FLNC: variants seen among roughly 807,000 people sequenced by gnomAD.
The protein encoded by FLNC is filamin C.
In FLNC, 91 loss-of-function variants were observed where a neutral mutation model predicts 254.3. That is an observed-to-expected ratio of 0.36 (90% CI 0.30 to 0.43). The LOEUF (loss-of-function observed/expected upper bound fraction) is 0.43. FLNC is among the 20% of genes least tolerant of loss of function. The pLI is 1.00. For synonymous variants in FLNC, 1,430 were observed against 1,577.2 expected, an observed-to-expected ratio of 0.91 and a Z score of 2.21; for missense variants, 2,853 against 3,802.6, an observed-to-expected ratio of 0.75 and a Z score of 6.57.
At chr7:128,845,392 G>A in intron 21 of FLNC, 137 bp downstream of exon 21, 2 of 757,214 alleles carry the variant, frequency 2.6e-6, no homozygotes, top group Non-Finnish European at 4.6e-6. Flanking sequence ...CAGCCCCAGA[G>A]TCCTTACTGG....
Position 128,846,281 on chromosome 7 carries a change from C to A in FLNC, c.3965-20C>A. ...GGGGGCGCACACTCCCTGATTGATG[C>A]CCCTGTGGCTGGCTTCCAGGCGTGC... On this transcript the variant is annotated intron_variant, in intron 22 of 47. Coordinates refer to ENST00000325888, the MANE Select transcript of FLNC (RefSeq NM_001458.5). 6 of 1,613,572 alleles carry A rather than the reference C, an allele frequency of 3.7e-6. No individual in the cohort carries two copies. Among genetic ancestry groups the A allele is most frequent in the Non-Finnish European group, 5.1e-6 (6 of 1,179,834 alleles).
rs1336346022 is a variant in FLNC, at chr7:128,854,769, C to T, written c.6998-6C>T. The T allele has an allele frequency of 7.4e-6, 12 of 1,613,954 alleles. No homozygotes were observed. In the East Asian group the frequency reaches 1.3e-4, roughly 18 times the overall value. ...TGCTGAAGTCCACTACCTTGCCTGT[C>T]CCCAGCCGAGTTCAGCATCTGGACC... On this transcript the variant is annotated splice_polypyrimidine_tract_variant and splice_region_variant and intron_variant, in intron 41 of 47. Transcript: ENST00000325888.
In FLNC at chr7:128,850,455, C is replaced by T. The variant is rs766344715; in HGVS notation, c.5370C>T (p.Pro1790=). The T allele has an allele frequency of 5.6e-6, 9 of 1,613,850 alleles. No individual in the cohort carries two copies. Among genetic ancestry groups the T allele is most frequent in the South Asian group, 2.2e-5 (2 of 91,064 alleles). The change falls in exon 32 of 48, where the codon CCC becomes CCT. Residue 1790 remains proline, a synonymous_variant. Coordinates refer to ENST00000325888, the MANE Select transcript of FLNC (RefSeq NM_001458.5). ...SMLRPFNLVI[P]FAVQKGELTG... is the part of the protein sequence containing the mutation. The stretch of plus-strand genomic sequence containing the variant: ...TGAGGCCCTTCAACCTGGTCATCCC[C>T]TTCGCGGTGCAGAAAGGGGAGCTCA...
At chr7:128,837,865 C>G (rs764296839) in intron 5 of FLNC, 110 bp downstream of exon 5, 320 of 1,359,008 alleles carry the variant, frequency 2.4e-4, no homozygotes, top group Non-Finnish European at 3.2e-4. Context: ...ACACACTGTG[C>G]TGTGCAGTCT....
intron 28 of FLNC, 75 bp from the exon 29 acceptor site, chr7:128,849,106 T>TC: frequency 8.2e-7 from 1 of 1,216,116 alleles, no homozygotes; most frequent in Non-Finnish European, 1.2e-6. Flanking sequence ...CCCTGGCCCC[T>TC]CCCTCCCTCA....
At chr7:128,839,938 G>A in intron 8 of FLNC, 85 bp from the exon 9 acceptor site, 1 of 1,553,124 alleles carries the variant, frequency 6.4e-7, no homozygotes, top group South Asian at 1.1e-5. Context: ...CCTGGGAGGG[G>A]TTAGAAGGAC....
At chr7:128,840,277 C>A in intron 9 of FLNC, 117 bp downstream of exon 9, 2 of 1,267,758 alleles carry the variant, frequency 1.6e-6, no homozygotes, top group Non-Finnish European at 1.1e-6. Context: ...CCACAGTGAC[C>A]AGAGGCACCC....
chr7:128,833,748 C>T lies in FLNC; in HGVS notation c.353-1578C>T, dbSNP rs1031552070. The stretch of plus-strand genomic sequence containing the variant: ...TGAGAGGCTGGGGGCACTGGGGCAT[C>T]CAGACTGTGTGAAAGTGTTGGAGCC... On this transcript the variant is annotated intron_variant, in intron 1 of 47. Transcript: ENST00000325888. Among the ~76,000 whole-genome samples the T allele has an allele frequency of 5.9e-5, 9 of 152,320 alleles. No homozygotes were observed. The East Asian group carries it at 1.7e-3, about 29-fold the overall frequency.
In FLNC at chr7:128,843,289, A is replaced by G. The variant is rs1808416941; in HGVS notation, c.2611A>G (p.Lys871Glu). 1.2e-6 allele frequency: 2 copies of G among 1,612,494 alleles called. No homozygotes were observed. The highest frequency in any genetic ancestry group is 2.7e-5 in the African/African-American group (2 of 74,882). Residue 871 changes from lysine (K) to glutamate (E), a missense_variant, in exon 17 of 48, where the codon AAG becomes GAG. Physicochemically the swap from Lys to Glu is moderately conservative, Grantham distance 56. This residue lies in a region of FLNC where 1,573 missense variants were observed against 1,883.5 expected (regional missense o/e 0.84). Transcript: ENST00000325888. The stretch of plus-strand genomic sequence containing the variant: ...CCCATCCCACGATGCCAGCAAAGTC[A>G]AGGCCGAGGGCCCTGGGCTGAATCG... ...VDPSHDASKV[K>E]AEGPGLNRTG...
At position 128,853,720 on chromosome 7, in the gene FLNC, C is replaced by T; in HGVS notation, c.6367C>T (p.Pro2123Ser). 1 of 1,613,906 alleles carries T rather than the reference C, an allele frequency of 6.2e-7. No homozygotes were observed. The change falls in exon 39 of 48, where the codon CCC becomes TCC. Residue 2123 changes from proline (P) to serine (S), a missense_variant. Coordinates refer to ENST00000325888, the MANE Select transcript of FLNC (RefSeq NM_001458.5). Reference protein sequence around the residue: ...KFADKHVPGSPFTVKVTGEGR... With the variant: ...KFADKHVPGSSFTVKVTGEGR... ...ACCCTTTGTCCCCACTTCAGGAAGC[C>T]CCTTCACTGTGAAGGTGACCGGCGA...
At chr7:128,837,862 G>GTGCT (rs1808162424) in intron 5 of FLNC, 107 bp downstream of exon 5, 2 of 1,363,162 alleles carry the variant, frequency 1.5e-6, no homozygotes, top group Non-Finnish European at 2.1e-6. Context: ...GCCACACACT[G>GTGCT]TGCTGTGCAG....
chr7:128,843,418 C>G lies in FLNC; in HGVS notation c.2652C>G (p.Val884=), dbSNP rs369714355. 1.5e-5 allele frequency: 25 copies of G among 1,613,954 alleles called. No individual in the cohort carries two copies. Among genetic ancestry groups the G allele is most frequent in the Non-Finnish European group, 1.8e-5 (21 of 1,180,028 alleles). The stretch of plus-strand genomic sequence containing the variant: ...TGGGTGGGTCCTCAGGTGTGGAAGT[C>G]GGGAAGCCCACCCACTTCACGGTGC... ...GPGLNRTGVE[V]GKPTHFTVLT... The change falls in exon 18 of 48, where the codon GTC becomes GTG. Residue 884 remains valine, a synonymous_variant. Transcript: ENST00000325888.
In FLNC at chr7:128,844,733, G is replaced by T. The variant is rs760158891; in HGVS notation, c.3268G>T (p.Ala1090Ser). 11 of 1,613,850 alleles carry T rather than the reference G, an allele frequency of 6.8e-6. No homozygotes were observed. The East Asian group carries it at 2.0e-4, about 29-fold the overall frequency. The stretch of plus-strand genomic sequence containing the variant: ...GCCATTCTCCATCGACACCAAGGGG[G>T]CTGGCACAGGTGGCCTGGGGCTGAC... The part of the protein sequence containing the change: ...PAPFSIDTKG[A>S]GTGGLGLTVE... Residue 1090 changes from alanine to serine, a missense_variant, in exon 21 of 48, where the codon GCT becomes TCT. Coordinates refer to ENST00000325888, the MANE Select transcript of FLNC (RefSeq NM_001458.5).
intron 38 of FLNC, 38 bp from the exon 39 acceptor site, chr7:128,853,677 C>T: frequency 6.2e-7 from 1 of 1,613,986 alleles, no homozygotes; most frequent in Non-Finnish European, 8.5e-7. Context: ...GAGGCTGGGG[C>T]TCTGAGGTTC....
chr7:128,849,707 G>C lies in FLNC; in HGVS notation c.5199+129G>C, dbSNP rs1032477145. 3 of 1,263,740 alleles carry C rather than the reference G, an allele frequency of 2.4e-6. No homozygotes were observed. The African/African-American group carries it at 4.4e-5, about 19-fold the overall frequency. 78.3% of individuals were successfully genotyped at this position (1,263,740 alleles called of 1,614,324 possible). On this transcript the variant is annotated intron_variant, in intron 30 of 47. Transcript: ENST00000325888. ...CTCTGAGGGCTCCTGGGGCCAGAGT[G>C]CTCCAGGATGGAGCCTTAACTTTCC...
rs1585169460 is a variant in FLNC, at chr7:128,854,230, A to G, written c.6727+14A>G. 2 of 1,605,700 alleles carry G rather than the reference A, an allele frequency of 1.2e-6. No individual in the cohort carries two copies. The highest frequency in any genetic ancestry group is 1.7e-6 in the Non-Finnish European group (2 of 1,176,552). ...GGCAGCAGGAGGGTGAGCACCGCAC[A>G]CTGGGCCGGCCGGGTCCTCACGGCG... On this transcript the variant is annotated intron_variant, in intron 40 of 47. Coordinates refer to ENST00000325888, the MANE Select transcript of FLNC (RefSeq NM_001458.5).
intron 19 of FLNC, 44 bp from the exon 20 acceptor site, chr7:128,843,960 G>A (rs370421752): frequency 5.6e-6 from 9 of 1,613,988 alleles, no homozygotes; most frequent in African/African-American, 1.3e-5. Context: ...ATTCGGGTAG[G>A]GTGGACCGGA....
In FLNC at chr7:128,842,325, C is replaced by T. The variant is rs749380628; in HGVS notation, c.2216C>T (p.Thr739Ile). 3.1e-6 allele frequency: 5 copies of T among 1,613,744 alleles called. No individual in the cohort carries two copies. The African/African-American group carries it at 6.7e-5, about 22-fold the overall frequency. ...GTGCCCACCAAGCCCATTAAGCACA[C>T]CATCATCATCTCCTGGGGAGGCGTA... ...SYVPTKPIKH[T>I]IIISWGGVNV... Residue 739 changes from threonine (T) to isoleucine (I), a missense_variant, in exon 14 of 48, where the codon ACC (threonine) becomes ATC (isoleucine). Thr to Ile is a moderately conservative substitution (Grantham distance 89). This residue lies in a region of FLNC where 1,573 missense variants were observed against 1,883.5 expected (regional missense o/e 0.84). Transcript: ENST00000325888. This position sits in a 1 kb window ranked among gnomAD's most constrained non-coding sequence, Gnocchi z 5.4.
intron 23 of FLNC, 75 bp downstream of exon 23, chr7:128,846,538 G>A: frequency 6.4e-7 from 1 of 1,563,146 alleles, no homozygotes. Flanking sequence ...TCATCCCTCT[G>A]CCTGGGCCTC....
Sources: gnomAD v4.1 joint callset for allele counts (sites outside exome capture counted in the v4.1 genomes callset) on GRCh38, gnomAD v4.1.1 for gene constraint, gnomAD v4.1.1 regional missense constraint, Gnocchi (gnomAD v3.1) non-coding constraint, MANE v1.5 for transcripts, NCBI Gene and HGNC (gene_info 2026-07-23, HGNC 2026-07-21) for gene names.